Variants in MAST4 observed in about 807,000 individuals in gnomAD.
The protein encoded by MAST4 is microtubule associated serine/threonine kinase family member 4, also known as microtubule-associated serine/threonine-protein kinase 4.
A neutral mutation model predicts 162.7 loss-of-function variants in MAST4; 89 were observed. The ratio of observed to expected loss-of-function variants is 0.55; its 90% CI spans 0.46 to 0.65. The LOEUF is 0.65. MAST4 is among the 30% of genes least tolerant of loss of function. The probability of loss-of-function intolerance (pLI) is 0.00; values close to 1 mark genes in which losing one functional copy is unlikely to be tolerated. For synonymous variants in MAST4, 1,479 were observed against 1,361.1 expected (o/e 1.09, Z -1.91); for missense variants, 3,153 against 3,374.0 (o/e 0.93, Z 1.62).
At chr5:67,103,030 T>A (rs1765201424) in intron 9 of MAST4, among the ~76,000 whole-genome samples, 1 of 152,250 alleles carries the variant, frequency 6.6e-6, no homozygotes, top group African/African-American at 2.4e-5. Flanking sequence ...GTTGTTGTTG[T>A]TTTTCCACAT....
In MAST4 at chr5:67,166,942, C is replaced by T. The variant is rs1376227818; in HGVS notation, c.7763C>T (p.Ala2588Val). 1.2e-6 allele frequency: 2 copies of T among 1,612,340 alleles called. No homozygotes were observed. Among genetic ancestry groups the T allele is most frequent in the Non-Finnish European group, 8.5e-7 (1 of 1,179,608 alleles). Reference sequence around the variant, plus strand: ...AGAGACGTGACCAAGCCATCCCCAGCCCCAAACACTGACCGCCCCATCTCT... The same window carrying T: ...AGAGACGTGACCAAGCCATCCCCAGTCCCAAACACTGACCGCCCCATCTCT... ...VGRDVTKPSP[A>V]PNTDRPISLS... The change falls in exon 29 of 29, where the codon GCC (alanine) becomes GTC (valine). Residue 2588 changes from alanine to valine, a missense_variant. Around this residue, in one of 7 missense-constraint regions of MAST4, gnomAD observed 1,644 missense variants for 1,495.0 expected, o/e 1.10. Coordinates refer to ENST00000403625, the MANE Select transcript of MAST4 (RefSeq NM_001164664.2).
intron 12 of MAST4, among the ~76,000 whole-genome samples, chr5:67,115,490 G>A (rs1217574366): frequency 6.6e-6 from 1 of 152,174 alleles, no homozygotes; most frequent in Non-Finnish European, 1.5e-5. Context: ...GCATTACTGT[G>A]AGATAATGCC....
intron 4 of MAST4, among the ~76,000 whole-genome samples, chr5:66,920,798 T>C (rs1764483960): frequency 1.3e-5 from 2 of 152,306 alleles, no homozygotes; most frequent in East Asian, 1.9e-4. Context: ...ATAATACTTA[T>C]ATTTAACCCT....
chr5:66,841,690 T>C (rs1477253158), intron 3 of MAST4, among the ~76,000 whole-genome samples: 1 of 152,130 alleles, frequency 6.6e-6, no homozygotes, highest in Non-Finnish European at 1.5e-5. Flanking sequence ...AAAGGCCCCA[T>C]CTCTAAATGT....
chr5:66,812,710 G>T (rs1239593804), intron 3 of MAST4, among the ~76,000 whole-genome samples: 1 of 152,180 alleles, frequency 6.6e-6, no homozygotes, highest in Non-Finnish European at 1.5e-5. Flanking sequence ...TTGCTTAGAT[G>T]GACAGCTCTT....
intron 4 of MAST4, among the ~76,000 whole-genome samples, chr5:66,971,616 C>G (rs1374185608): frequency 6.6e-6 from 1 of 152,158 alleles, no homozygotes; most frequent in Non-Finnish European, 1.5e-5. Flanking sequence ...CATATTGTGA[C>G]TACTTTACTT....
At chr5:66,629,677 C>T (rs570825691) in intron 1 of MAST4, among the ~76,000 whole-genome samples, 12 of 152,274 alleles carry the variant, frequency 7.9e-5, no homozygotes, top group Admixed American at 3.9e-4. Flanking sequence ...CACAAGGAAT[C>T]GTCTGCCCAT....
intron 4 of MAST4, among the ~76,000 whole-genome samples, chr5:66,940,975 G>A (rs991798896): frequency 2.6e-5 from 4 of 152,152 alleles, no homozygotes; most frequent in African/African-American, 9.6e-5. Flanking sequence ...GCTCTTGGGT[G>A]ACAAGGTATG....
intron 4 of MAST4, among the ~76,000 whole-genome samples, chr5:66,979,640 G>A (rs746147089): frequency 4.6e-5 from 7 of 152,268 alleles, no homozygotes; most frequent in African/African-American, 1.2e-4. Flanking sequence ...ATTGAATGTC[G>A]TTAATACATC....
At chr5:66,805,986 C>T (rs540193734) in intron 3 of MAST4, among the ~76,000 whole-genome samples, 29 of 152,262 alleles carry the variant, frequency 1.9e-4, no homozygotes, top group Non-Finnish European at 2.4e-4. Context: ...GCCATGCTAG[C>T]GGTAGAGGTG....
At chr5:67,086,915 G>T (rs935807453) in intron 5 of MAST4, among the ~76,000 whole-genome samples, 5 of 152,192 alleles carry the variant, frequency 3.3e-5, no homozygotes, top group African/African-American at 1.2e-4. Flanking sequence ...AATTTGGCCT[G>T]TTCTAAATTA....
chr5:66,817,128 C>T (rs1191614751), intron 3 of MAST4, among the ~76,000 whole-genome samples: 1 of 152,170 alleles, frequency 6.6e-6, no homozygotes, highest in Admixed American at 6.5e-5. Context: ...CTTGCGACCC[C>T]ATGACTGCAT....
intron 1 of MAST4, among the ~76,000 whole-genome samples, chr5:66,750,048 A>T (rs760292299): frequency 6.6e-6 from 1 of 152,186 alleles, no homozygotes; most frequent in Admixed American, 6.5e-5. Context: ...CAGTTTTATA[A>T]TCTATTTTCA....
At chr5:66,925,700 C>A (rs183114302) in intron 4 of MAST4, among the ~76,000 whole-genome samples, 1 of 152,160 alleles carries the variant, frequency 6.6e-6, no homozygotes, top group East Asian at 1.9e-4. Flanking sequence ...AAGTTTGGTT[C>A]CCTGCACTGT....
intron 1 of MAST4, among the ~76,000 whole-genome samples, chr5:66,755,335 T>C (rs1753468517): frequency 6.6e-6 from 1 of 152,250 alleles, no homozygotes. Context: ...AAGCTTTCTC[T>C]TTCTGCTTAT....
At chr5:66,635,143 A>T (rs984135851) in intron 1 of MAST4, among the ~76,000 whole-genome samples, 3 of 152,218 alleles carry the variant, frequency 2.0e-5, no homozygotes, top group Non-Finnish European at 2.9e-5. Context: ...TTTCTGGCTT[A>T]AAACAGCATT....
At chr5:67,129,345 TA>T (rs2150985681) in intron 14 of MAST4, among the ~76,000 whole-genome samples, 1 of 152,264 alleles carries the variant, frequency 6.6e-6, no homozygotes, top group African/African-American at 2.4e-5. Flanking sequence ...TCTTTGGAAG[TA>T]AATGTCTCTG....
chr5:66,825,216 A>G (rs1757182608), intron 3 of MAST4, among the ~76,000 whole-genome samples: 1 of 151,726 alleles, frequency 6.6e-6, no homozygotes, highest in Non-Finnish European at 1.5e-5. Flanking sequence ...TTTTCTATTT[A>G]GAAATGTATT....
intron 4 of MAST4, among the ~76,000 whole-genome samples, chr5:66,997,645 C>G (rs1265823555): frequency 1.3e-5 from 2 of 151,924 alleles, no homozygotes; most frequent in African/African-American, 4.8e-5. Flanking sequence ...GTTGGCCAGG[C>G]TGGTTTTGAA....
Sources: gnomAD v4.1 joint callset for allele counts (sites outside exome capture counted in the v4.1 genomes callset) on GRCh38, gnomAD v4.1.1 for gene constraint, gnomAD v4.1.1 regional missense constraint, MANE v1.5 for transcripts, NCBI Gene and HGNC (gene_info 2026-07-23, HGNC 2026-07-21) for gene names.